The following DNAH5 variants were observed in gnomAD, a reference collection of about 807,000 sequenced individuals.
The protein encoded by DNAH5 is axonemal beta dynein heavy chain 5.
In DNAH5, 372 loss-of-function variants were observed where a neutral mutation model predicts 518.2. The observed-to-expected ratio is 0.72, with a 90% CI of 0.66 to 0.78. DNAH5 has a LOEUF of 0.78. Among genes scored for constraint, DNAH5 ranks in the 30% least tolerant of loss-of-function variants. The probability of loss-of-function intolerance (pLI) is 0.00; values close to 1 mark genes in which losing one functional copy is unlikely to be tolerated. For synonymous variants in DNAH5, 2,039 were observed against 2,025.9 expected, an observed-to-expected ratio of 1.01 and a Z score of -0.17; for missense variants, 5,523 against 5,687.0, an observed-to-expected ratio of 0.97 and a Z score of 0.93.
At chr5:13,902,595 C>A (rs1774780426) in intron 12 of DNAH5, among the ~76,000 whole-genome samples, 1 of 152,156 alleles carries the variant, frequency 6.6e-6, no homozygotes, top group African/African-American at 2.4e-5. Context: ...CAATAGGGTT[C>A]CCATACTTTC....
chr5:13,727,314 C>T (rs560527872), intron 70 of DNAH5, among the ~76,000 whole-genome samples, 193 bp downstream of exon 70: 2 of 152,324 alleles, frequency 1.3e-5, no homozygotes, highest in South Asian at 4.1e-4. Context: ...TACTAAATCA[C>T]TTAGCCCAAA....
chr5:13,962,790 G>A (rs1233403729), intron 1 of DNAH5, among the ~76,000 whole-genome samples: 3 of 152,172 alleles, frequency 2.0e-5, no homozygotes, highest in Non-Finnish European at 4.4e-5. Flanking sequence ...CAAGGACAGG[G>A]CCAAGAACCC....
At position 13,878,538 on chromosome 5, in the gene DNAH5, A is replaced by G. The variant is rs530048095; in HGVS notation, c.3263-1721T>C. The stretch of plus-strand genomic sequence containing the variant: ...AGCTGGAGCCACAGCTGAGCACTTC[A>G]TGAGTGTTCCCTCTGGCTCCCCTAG... On this transcript the variant is annotated intron_variant, in intron 21 of 78. Transcript: ENST00000265104. Among the ~76,000 whole-genome samples, 69 of 152,264 alleles carry G rather than the reference A, an allele frequency of 4.5e-4. No individual in the cohort carries two copies. The Middle Eastern group carries it at 0.014, about 30-fold the overall frequency.
intron 58 of DNAH5, 78 bp downstream of exon 58, chr5:13,768,882 T>A: frequency 6.7e-7 from 1 of 1,494,116 alleles, no homozygotes; most frequent in Non-Finnish European, 9.3e-7. Context: ...GAGCATTTCC[T>A]TGCTGTTATT....
upstream of DNAH5, among the ~76,000 whole-genome samples, chr5:13,948,362 T>C (rs1316289456): frequency 6.6e-6 from 1 of 152,152 alleles, no homozygotes. Context: ...AAGAAAGCAA[T>C]GAAGCCTAGT....
In DNAH5 at chr5:13,819,831, A is replaced by G. The variant is rs555181023; in HGVS notation, c.6841+515T>C. 7.9e-4 allele frequency among the ~76,000 whole-genome samples: 120 copies of G among 152,278 alleles called. 1 individual carries two copies. Among genetic ancestry groups the G allele is most frequent in the African/African-American group, 2.8e-3 (116 of 41,558 alleles). On this transcript the variant is annotated intron_variant, in intron 41 of 78. Coordinates refer to ENST00000265104, the MANE Select transcript of DNAH5 (RefSeq NM_001369.3). ...ATTCCAAATGGGAAGGTAATTTATGATTGGGATTGGGATGACTTCGGCATA... is the reference window on the plus strand; with the variant it reads ...ATTCCAAATGGGAAGGTAATTTATGGTTGGGATTGGGATGACTTCGGCATA...
intron 1 of DNAH5, among the ~76,000 whole-genome samples, chr5:13,970,409 G>T (rs539341697): frequency 6.6e-6 from 1 of 151,414 alleles, no homozygotes; most frequent in South Asian, 2.1e-4. Flanking sequence ...ATGTTTTCTG[G>T]AGGTTCTATT....
intron 49 of DNAH5, 34 bp from the exon 50 acceptor site, chr5:13,792,251 C>T (rs1383304621): frequency 6.4e-7 from 1 of 1,560,460 alleles, no homozygotes; most frequent in East Asian, 2.2e-5. Flanking sequence ...TTTTGATTAG[C>T]CATTCAAAGA....
Position 13,766,100 on chromosome 5 carries a change from A to T in DNAH5, c.9977T>A (p.Val3326Glu). Residue 3326 changes from valine (V) to glutamate (E), a missense_variant, in exon 59 of 79, where the codon GTA (valine) becomes GAA (glutamate). Physicochemically the swap from Val to Glu is moderately radical, Grantham distance 121 (BLOSUM62 -2). This residue lies in a region of DNAH5 where 5,121 missense variants were observed against 5,223.3 expected (regional missense o/e 0.98). Coordinates refer to ENST00000265104, the MANE Select transcript of DNAH5 (RefSeq NM_001369.3). ...PHLIMRIMDCVLLLFQRKVSA... is the reference protein window; with the variant it reads ...PHLIMRIMDCELLLFQRKVSA... Reference sequence around the variant, plus strand: ...GACTTTCCTTTGAAACAGCAGCAGTACGCAATCCATGATCCGCATGATGAG... The same window carrying T: ...GACTTTCCTTTGAAACAGCAGCAGTTCGCAATCCATGATCCGCATGATGAG... The T allele has an allele frequency of 6.2e-7, 1 of 1,614,212 alleles. No homozygotes were observed. The highest frequency in any genetic ancestry group is 1.1e-5 in the South Asian group (1 of 91,084).
At chr5:13,771,045 G>T in intron 55 of DNAH5, 65 bp from the exon 56 acceptor site, 1 of 1,339,048 alleles carries the variant, frequency 7.5e-7, no homozygotes, top group Non-Finnish European at 1.1e-6. Context: ...AAAGTTAACT[G>T]TTTATTTCTA....
chr5:13,743,944 A>G (rs1405287829), intron 65 of DNAH5, among the ~76,000 whole-genome samples: 2 of 152,048 alleles, frequency 1.3e-5, no homozygotes, highest in African/African-American at 4.8e-5. Context: ...ACTGAAACAA[A>G]TAGAACTACC....
At chr5:13,790,623 A>C (rs971522193) in intron 50 of DNAH5, among the ~76,000 whole-genome samples, 8 of 152,168 alleles carry the variant, frequency 5.3e-5, no homozygotes, top group Non-Finnish European at 8.8e-5. Flanking sequence ...TTATGGTTTT[A>C]TAAGAGGCTC....
chr5:13,964,444 G>GGACA (rs1457358953), intron 1 of DNAH5, among the ~76,000 whole-genome samples: 1 of 152,190 alleles, frequency 6.6e-6, no homozygotes, highest in Non-Finnish European at 1.5e-5. Flanking sequence ...AAGGCACACA[G>GGACA]GACAGACAGG....
chr5:13,862,949 T>C (rs962655694), intron 28 of DNAH5, among the ~76,000 whole-genome samples: 1 of 151,880 alleles, frequency 6.6e-6, no homozygotes, highest in Non-Finnish European at 1.5e-5. Context: ...GAGATGGAGA[T>C]AAAGATATGA....
chr5:13,707,990 G>A lies in DNAH5; in HGVS notation c.13338+133C>T. 1 of 1,057,050 alleles carries A rather than the reference G, an allele frequency of 9.5e-7. No individual in the cohort carries two copies. The highest frequency in any genetic ancestry group is 1.8e-5 in the Admixed American group (1 of 55,760). The allele number at this position is 1,057,050 out of a possible 1,614,324, so 65.5% of individuals were successfully genotyped here. On this transcript the variant is annotated intron_variant, in intron 76 of 78. Transcript: ENST00000265104. This position sits in a 1 kb window ranked among gnomAD's most constrained non-coding sequence, Gnocchi z 4.0. Reference sequence around the variant, plus strand: ...TCCCTACCTATGGTCTAAAAATACAGGGCTACAGGGGGCTTCGTCCCTGTG... The same window carrying A: ...TCCCTACCTATGGTCTAAAAATACAAGGCTACAGGGGGCTTCGTCCCTGTG...
chr5:13,817,411 A>T, intron 42 of DNAH5, 137 bp downstream of exon 42: 1 of 816,092 alleles, frequency 1.2e-6, no homozygotes, highest in East Asian at 2.7e-5. Context: ...TTTCACAAAT[A>T]TCACACTGAT....
At chr5:13,743,759 A>G (rs1202372163) in intron 65 of DNAH5, among the ~76,000 whole-genome samples, 1 of 152,142 alleles carries the variant, frequency 6.6e-6, no homozygotes, top group Non-Finnish European at 1.5e-5. Context: ...AAAATGACAT[A>G]TCATCTCACC....
chr5:13,962,901 C>T (rs1361031310), intron 1 of DNAH5, among the ~76,000 whole-genome samples: 1 of 152,054 alleles, frequency 6.6e-6, no homozygotes, highest in Non-Finnish European at 1.5e-5. Flanking sequence ...CAAACTGTCC[C>T]GGCAGCTGCT....
Position 13,829,746 on chromosome 5 carries a change from GCA to G in DNAH5, c.6250-44_6250-43del, listed in dbSNP as rs1280769190. The G allele has an allele frequency of 3.9e-6, 6 of 1,539,152 alleles. 1 individual carries two copies. In the East Asian group the frequency reaches 1.4e-4, roughly 35 times the overall value. On this transcript the variant is annotated intron_variant, in intron 37 of 78. Coordinates refer to ENST00000265104, the MANE Select transcript of DNAH5 (RefSeq NM_001369.3). The stretch of plus-strand genomic sequence containing the variant: ...GCCCAAGGATGAATGATGCAATCAA[GCA>G]CACATCAGCATCATATTAAAAGATT...
Sources: gnomAD v4.1 joint callset for allele counts (sites outside exome capture counted in the v4.1 genomes callset) on GRCh38, gnomAD v4.1.1 for gene constraint, gnomAD v4.1.1 regional missense constraint, Gnocchi (gnomAD v3.1) non-coding constraint, MANE v1.5 for transcripts, NCBI Gene and HGNC (gene_info 2026-07-23, HGNC 2026-07-21) for gene names.